The following SLC30A8 variants were observed in gnomAD, a reference collection of about 807,000 sequenced individuals.
SLC30A8 encodes proton-coupled zinc antiporter SLC30A8.
In SLC30A8, 27 loss-of-function variants were observed where a neutral mutation model predicts 36.9. The ratio of observed to expected loss-of-function variants is 0.73; its 90% CI spans 0.54 to 1.01. The LOEUF (loss-of-function observed/expected upper bound fraction) is 1.01, where lower values mean the gene tolerates loss of function less well. Among genes scored for constraint, SLC30A8 ranks in the 50% least tolerant of loss-of-function variants. The pLI, the probability that SLC30A8 is intolerant of heterozygous loss-of-function variation, is 0.00. For synonymous variants in SLC30A8, 164 were observed against 172.4 expected (o/e 0.95, Z 0.38); for missense variants, 439 against 452.0 (o/e 0.97, Z 0.26).
At chr8:117,120,971 AACAC>A (rs746020143) in intron 2 of SLC30A8, among the ~76,000 whole-genome samples, 1 of 151,922 alleles carries the variant, frequency 6.6e-6, no homozygotes, top group African/African-American at 2.4e-5. Flanking sequence ...ATCAAAAACA[AACAC>A]ACACACAAAC....
chr8:117,005,196 C>T (rs1816137456), intron 1 of SLC30A8, among the ~76,000 whole-genome samples: 1 of 152,176 alleles, frequency 6.6e-6, no homozygotes, highest in African/African-American at 2.4e-5. Context: ...CTCTGACTCC[C>T]AGTTCTAGGC....
chr8:116,982,520 G>A (rs560977475), intron 1 of SLC30A8, among the ~76,000 whole-genome samples: 1 of 152,046 alleles, frequency 6.6e-6, no homozygotes, highest in Non-Finnish European at 1.5e-5. Flanking sequence ...ATAAATGTGA[G>A]CTACACACAC....
At position 117,153,076 on chromosome 8, in the gene SLC30A8, G is replaced by T. The variant is rs577210418; in HGVS notation, c.404G>T (p.Gly135Val). The change falls in exon 3 of 8, where the codon GGA becomes GTA. Residue 135 changes from glycine to valine, a missense_variant. Gly to Val is a moderately radical substitution (Grantham distance 109, BLOSUM62 -3). Transcript: ENST00000456015. ...CCTCCCTCTAAGCGGCTGACATTTG[G>T]ATGGCACCGAGCAGGTACGGTTCAT... Reference protein sequence around the residue: ...SKPPSKRLTFGWHRAEILGAL... With the variant: ...SKPPSKRLTFVWHRAEILGAL... 6.8e-6 allele frequency: 11 copies of T among 1,610,456 alleles called. No individual in the cohort carries two copies. The South Asian group carries it at 7.7e-5, about 11-fold the overall frequency.
At chr8:117,109,708 C>T (rs748984305) in intron 2 of SLC30A8, among the ~76,000 whole-genome samples, 1 of 152,172 alleles carries the variant, frequency 6.6e-6, no homozygotes, top group Non-Finnish European at 1.5e-5. Context: ...CTGTTGAAGA[C>T]ATGTTGTTAT....
intron 1 of SLC30A8, among the ~76,000 whole-genome samples, chr8:116,998,309 T>C (rs2130679237): frequency 6.6e-6 from 1 of 152,310 alleles, no homozygotes; most frequent in South Asian, 2.1e-4. Flanking sequence ...GTGGCAATGA[T>C]GGCCAGAAAT....
chr8:117,094,766 C>T (rs1819286370), intron 2 of SLC30A8, among the ~76,000 whole-genome samples: 1 of 152,212 alleles, frequency 6.6e-6, no homozygotes, highest in Admixed American at 6.5e-5. Context: ...TGTCTGCCTC[C>T]TGCTGTCATT....
At chr8:117,012,724 T>TACACACACACACACACACAC (rs376889831) in intron 1 of SLC30A8, among the ~76,000 whole-genome samples, 67 of 126,386 alleles carry the variant, frequency 5.3e-4, no homozygotes, top group African/African-American at 1.9e-3. Flanking sequence ...GACATATGTA[T>TACACACACACACACACACAC]ACACACACAC....
intron 1 of SLC30A8, among the ~76,000 whole-genome samples, chr8:116,996,768 CTTTGAAAG>C (rs1268867323): frequency 2.0e-5 from 3 of 152,116 alleles, no homozygotes; most frequent in African/African-American, 7.2e-5. Flanking sequence ...AGCTATGAAA[CTTTGAAAG>C]TTTGATGTTT....
intron 1 of SLC30A8, among the ~76,000 whole-genome samples, chr8:117,143,665 A>AACACACACAC (rs58613241): frequency 0.097 from 14,238 of 146,142 alleles, 827 homozygotes; most frequent in Non-Finnish European, 0.13. Context: ...TCTCCCATAA[A>AACACACACAC]ACACACACAC....
At chr8:117,117,810 T>C (rs75343465) in intron 2 of SLC30A8, among the ~76,000 whole-genome samples, 8,678 of 151,960 alleles carry the variant, frequency 0.057, 659 homozygotes, top group African/African-American at 0.17. Context: ...AGGTAAAAAG[T>C]CCATTCAGAC....
chr8:117,153,110 C>T lies in SLC30A8; in HGVS notation c.418+20C>T. The stretch of plus-strand genomic sequence containing the variant: ...GAGCAGGTACGGTTCATAGAGTGAG[C>T]AATAACAGCAGGCTGGTGCTGCAAA... On this transcript the variant is annotated intron_variant, in intron 3 of 7. Transcript: ENST00000456015. The T allele has an allele frequency of 6.5e-7, 1 of 1,543,284 alleles. No homozygotes were observed. Among genetic ancestry groups the T allele is most frequent in the Non-Finnish European group, 8.8e-7 (1 of 1,135,800 alleles).
intron 2 of SLC30A8, among the ~76,000 whole-genome samples, chr8:117,122,381 G>A (rs1394876): frequency 1 from 151,438 of 152,102 alleles, 75,389 homozygotes; most frequent in East Asian, 1. Flanking sequence ...GTTGGATGCT[G>A]TTATAATTGT....
Position 117,147,002 on chromosome 8 carries a change from G to C in SLC30A8, c.120G>C (p.Glu40Asp), listed in dbSNP as rs1374352556. 2 of 1,614,050 alleles carry C rather than the reference G, an allele frequency of 1.2e-6. No homozygotes were observed. Among genetic ancestry groups the C allele is most frequent in the East Asian group, 4.5e-5 (2 of 44,862 alleles). Residue 40 changes from glutamate (E) to aspartate (D), a missense_variant, in exon 2 of 8, where the codon GAG becomes GAC. Glu to Asp is a conservative substitution (Grantham distance 45). Transcript: ENST00000456015. ...KPVNKDQCPR[E>D]RPEELESGGM... Reference sequence around the variant, plus strand: ...TGAATAAAGATCAGTGTCCCAGAGAGAGACCAGAGGAGCTGGAGTCAGGAG... The same window carrying C: ...TGAATAAAGATCAGTGTCCCAGAGACAGACCAGAGGAGCTGGAGTCAGGAG...
chr8:117,170,875 A>G (rs950309032), intron 6 of SLC30A8, among the ~76,000 whole-genome samples, 159 bp from the exon 7 acceptor site: 2 of 152,170 alleles, frequency 1.3e-5, no homozygotes, highest in African/African-American at 2.4e-5. Flanking sequence ...TAAACCTTGA[A>G]GTAGTCAGGT....
intron 2 of SLC30A8, among the ~76,000 whole-genome samples, chr8:117,061,652 A>T (rs1373737226): frequency 6.6e-6 from 1 of 152,194 alleles, no homozygotes; most frequent in Non-Finnish European, 1.5e-5. Flanking sequence ...ACAATCCTTT[A>T]TTACTTATAA....
chr8:117,077,310 C>G (rs1411908445), intron 2 of SLC30A8, among the ~76,000 whole-genome samples: 2 of 152,168 alleles, frequency 1.3e-5, no homozygotes, highest in Non-Finnish European at 2.9e-5. Flanking sequence ...TATTTTTGCA[C>G]TTCAAGCTTC....
chr8:116,955,897 G>GA (rs1483868300), intron 1 of SLC30A8, among the ~76,000 whole-genome samples: 1 of 152,086 alleles, frequency 6.6e-6, no homozygotes, highest in African/African-American at 2.4e-5. Flanking sequence ...AACTGTGAGA[G>GA]AAAAAATTTC....
intron 1 of SLC30A8, among the ~76,000 whole-genome samples, chr8:116,979,681 AC>A (rs1466466470): frequency 6.6e-6 from 1 of 152,212 alleles, no homozygotes; most frequent in Non-Finnish European, 1.5e-5. Context: ...TGTGAGGCCA[AC>A]GCAAGTGGAT....
chr8:117,145,483 T>C (rs928355083), intron 1 of SLC30A8, among the ~76,000 whole-genome samples: 1 of 152,074 alleles, frequency 6.6e-6, no homozygotes, highest in African/African-American at 2.4e-5. Context: ...AGACTTTTAA[T>C]TGTGAATGGT....
Sources: gnomAD v4.1 joint callset for allele counts (sites outside exome capture counted in the v4.1 genomes callset) on GRCh38, gnomAD v4.1.1 for gene constraint, MANE v1.5 for transcripts, NCBI Gene and HGNC (gene_info 2026-07-23, HGNC 2026-07-21) for gene names.